Variants in RGS20 observed in about 807,000 individuals in gnomAD.
The protein encoded by RGS20 is regulator of G protein signaling 20.
RGS20 carries 30 observed loss-of-function variants against 33.6 expected under a neutral mutation model. The ratio of observed to expected loss-of-function variants is 0.89; its 90% CI spans 0.67 to 1.21. The LOEUF (loss-of-function observed/expected upper bound fraction) is 1.21. Among genes scored for constraint, RGS20 ranks in the 50% most tolerant of loss-of-function variants. RGS20 has a pLI of 0.00. For missense variants in RGS20, 472 were observed against 502.4 expected, an observed-to-expected ratio of 0.94 and a Z score of 0.58; for synonymous variants, 208 against 197.9, an observed-to-expected ratio of 1.05 and a Z score of -0.43.
intron 2 of RGS20, among the ~76,000 whole-genome samples, chr8:53,906,442 T>G (rs143783584): frequency 6.6e-6 from 1 of 152,094 alleles, no homozygotes; most frequent in Non-Finnish European, 1.5e-5. Context: ...CCCCTAAGTG[T>G]GCTGGCAAAT....
intron 4 of RGS20, among the ~76,000 whole-genome samples, chr8:53,951,939 C>G (rs914163860): frequency 2.4e-4 from 36 of 151,650 alleles, no homozygotes; most frequent in East Asian, 1.4e-3. Context: ...ATCGCTTGAA[C>G]CCGGGAGGCA....
intron 2 of RGS20, among the ~76,000 whole-genome samples, chr8:53,888,706 G>A (rs1812617242): frequency 6.6e-6 from 1 of 152,086 alleles, no homozygotes; most frequent in South Asian, 2.1e-4. Flanking sequence ...CTCTCCCAAA[G>A]ATTCCGTCTC....
At chr8:53,915,725 T>A (rs1243802043) in intron 2 of RGS20, among the ~76,000 whole-genome samples, 1 of 152,188 alleles carries the variant, frequency 6.6e-6, no homozygotes, top group Non-Finnish European at 1.5e-5. Flanking sequence ...TTCTGAATCA[T>A]CTGAGGACAA....
intron 2 of RGS20, among the ~76,000 whole-genome samples, chr8:53,881,427 A>T (rs909428425): frequency 6.6e-6 from 1 of 152,064 alleles, no homozygotes; most frequent in Admixed American, 6.5e-5. Context: ...TAGAAATCGC[A>T]TTGACCACCC....
At position 53,851,990 on chromosome 8, in the gene RGS20, GC is replaced by G. The variant is rs1563330592; in HGVS notation, c.92del (p.Ala31ValfsTer117). Reference sequence around the variant, plus strand: ...GACACAGTTTCTGCCCCTGTTCAGGGCTCAGAGATATAATACAGACATTCAC... The same window carrying G: ...GACACAGTTTCTGCCCCTGTTCAGGGTCAGAGATATAATACAGACATTCAC... On this transcript the variant is annotated frameshift_variant, in exon 1 of 6. Coordinates refer to ENST00000297313, the MANE Select transcript of RGS20 (RefSeq NM_170587.4). LOFTEE classifies it high-confidence loss of function. 6.2e-7 allele frequency: 1 copy of G among 1,614,172 alleles called. No individual in the cohort carries two copies. The highest frequency in any genetic ancestry group is 1.7e-5 in the Admixed American group (1 of 60,030).
At chr8:53,919,517 TA>T (rs1813586636) in intron 2 of RGS20, among the ~76,000 whole-genome samples, 1 of 152,086 alleles carries the variant, frequency 6.6e-6, no homozygotes, top group African/African-American at 2.4e-5. Flanking sequence ...TATTTTTGTA[TA>T]TTTTTTTTGT....
At chr8:53,882,998 G>A (rs1383443454) in intron 2 of RGS20, among the ~76,000 whole-genome samples, 1 of 152,186 alleles carries the variant, frequency 6.6e-6, no homozygotes, top group East Asian at 1.9e-4. Flanking sequence ...CCCCAAACTT[G>A]ACAAGGACAT....
intron 2 of RGS20, among the ~76,000 whole-genome samples, chr8:53,909,169 A>G (rs1218135889): frequency 7.8e-6 from 1 of 128,688 alleles, no homozygotes; most frequent in Non-Finnish European, 1.6e-5. Context: ...TACTGGGTCC[A>G]TTTGATTCTG....
intron 2 of RGS20, among the ~76,000 whole-genome samples, chr8:53,896,625 A>T (rs1005341857): frequency 1.3e-5 from 2 of 152,214 alleles, no homozygotes; most frequent in Admixed American, 1.3e-4. Context: ...TCTACTCTTT[A>T]AAAAAATTTC....
At chr8:53,858,645 G>T (rs1039723474) in intron 1 of RGS20, among the ~76,000 whole-genome samples, 1 of 152,068 alleles carries the variant, frequency 6.6e-6, no homozygotes, top group African/African-American at 2.4e-5. Flanking sequence ...CATTGCTGAA[G>T]AAAGAGAGGC....
chr8:53,855,863 A>T (rs1241621976), intron 1 of RGS20, among the ~76,000 whole-genome samples: 2 of 152,182 alleles, frequency 1.3e-5, no homozygotes, highest in Non-Finnish European at 2.9e-5. Context: ...TGTTCTTTTC[A>T]TTTGGCTCCT....
rs1456355181 is a variant in RGS20, at chr8:53,879,515, C to G, written c.423C>G (p.Pro141=). The change falls in exon 2 of 6, where the codon CCC becomes CCG. Residue 141 remains proline (P), a synonymous_variant. Transcript: ENST00000297313. ...CGGCGCTGGCACTGCCCGGCCGACC[C>G]TCGGGGGGTCGTCCGCTGAGGCCCC... 10 of 1,544,722 alleles carry G rather than the reference C, an allele frequency of 6.5e-6. No homozygotes were observed. Among genetic ancestry groups the G allele is most frequent in the Non-Finnish European group, 8.7e-6 (10 of 1,146,758 alleles).
chr8:53,888,686 G>GC (rs1458378357), intron 2 of RGS20, among the ~76,000 whole-genome samples: 6 of 152,002 alleles, frequency 3.9e-5, no homozygotes, highest in African/African-American at 9.7e-5. Context: ...GATATTTTCA[G>GC]CCCCCCGTGC....
At chr8:53,901,741 T>C (rs1052929912) in intron 2 of RGS20, among the ~76,000 whole-genome samples, 1 of 152,150 alleles carries the variant, frequency 6.6e-6, no homozygotes, top group Non-Finnish European at 1.5e-5. Flanking sequence ...CCGAGCTACT[T>C]GGGAGGCTGA....
At chr8:53,919,059 C>T (rs570520900) in intron 2 of RGS20, among the ~76,000 whole-genome samples, 15 of 152,320 alleles carry the variant, frequency 9.8e-5, no homozygotes, top group Admixed American at 6.5e-4. Flanking sequence ...AATTTCTTCA[C>T]ATCCTAACAC....
intron 5 of RGS20, among the ~76,000 whole-genome samples, chr8:53,957,835 G>A (rs1159043634): frequency 6.6e-6 from 1 of 152,140 alleles, no homozygotes; most frequent in African/African-American, 2.4e-5. Context: ...GGATGATCTT[G>A]TTTGGTTTGG....
chr8:53,888,511 G>A (rs1448915027), intron 2 of RGS20, among the ~76,000 whole-genome samples: 1 of 152,038 alleles, frequency 6.6e-6, no homozygotes, highest in East Asian at 1.9e-4. Flanking sequence ...TATTGAGGGG[G>A]GCTGTCCATT....
intron 4 of RGS20, among the ~76,000 whole-genome samples, chr8:53,949,385 C>A (rs763964407): frequency 1.3e-5 from 2 of 149,694 alleles, no homozygotes; most frequent in South Asian, 2.1e-4. Flanking sequence ...CTCAAGCAAA[C>A]ATGAAACAGT....
At chr8:53,903,750 G>C (rs368774425) in intron 2 of RGS20, among the ~76,000 whole-genome samples, 1 of 152,186 alleles carries the variant, frequency 6.6e-6, no homozygotes, top group African/African-American at 2.4e-5. Flanking sequence ...CCAAGTCTCA[G>C]CACTAGATGC....
Sources: gnomAD v4.1 joint callset for allele counts (sites outside exome capture counted in the v4.1 genomes callset) on GRCh38, gnomAD v4.1.1 for gene constraint, MANE v1.5 for transcripts, NCBI Gene and HGNC (gene_info 2026-07-23, HGNC 2026-07-21) for gene names.